CYP4Z1: variants seen among roughly 807,000 people sequenced by gnomAD.
CYP4Z1 encodes cytochrome P450 family 4 subfamily Z member 1, also known as cytochrome P450 4Z1.
Under a neutral mutation model 54.2 loss-of-function variants are expected in CYP4Z1, and 41 were observed. The observed-to-expected ratio is 0.76, with a 90% confidence interval of 0.59 to 0.98. The LOEUF (loss-of-function observed/expected upper bound fraction) is 0.98, where lower values mean the gene tolerates loss of function less well. CYP4Z1 is among the 50% of genes least tolerant of loss of function. The pLI, the probability that CYP4Z1 is intolerant of heterozygous loss-of-function variation, is 0.00. For synonymous variants in CYP4Z1, 163 were observed against 206.2 expected, an observed-to-expected ratio of 0.79 and a Z score of 1.79; for missense variants, 513 against 599.0, an observed-to-expected ratio of 0.86 and a Z score of 1.50.
At chr1:47,076,787 GT>G (rs1268574633) in intron 2 of CYP4Z1, among the ~76,000 whole-genome samples, 1 of 140,524 alleles carries the variant, frequency 7.1e-6, no homozygotes, top group Non-Finnish European at 1.5e-5. Flanking sequence ...GGACCTTGCA[GT>G]GAGCCGAGAT....
At position 47,117,949 on chromosome 1, in the gene CYP4Z1, G is replaced by A. The variant is rs563965766; in HGVS notation, c.*15G>A. ...AAGTTTGCTAATTTTAAGTCCTTTC[G>A]TATAAGAATTAATGAGACAATTTTC... On this transcript the variant is annotated 3_prime_UTR_variant, in exon 12 of 12. Transcript: ENST00000334194. 1.4e-4 allele frequency: 218 copies of A among 1,610,820 alleles called. No homozygotes were observed. The highest frequency in any genetic ancestry group is 1.6e-4 in the Non-Finnish European group (191 of 1,178,270).
At chr1:47,058,985 T>C in the CYP4Z1 span, among the ~76,000 whole-genome samples, 1 of 152,166 alleles carries the variant, frequency 6.6e-6, no homozygotes, top group Admixed American at 6.6e-5. Flanking sequence ...ATCTTAATAG[T>C]ATGTATTTGC....
intron 3 of CYP4Z1, 34 bp from the exon 4 acceptor site, chr1:47,082,300 C>G (rs1502924): frequency 0.08 from 122,678 of 1,541,560 alleles, 6,230 homozygotes; most frequent in East Asian, 0.22. Context: ...TACCTGGCCT[C>G]TGATAGAAAC....
intron 2 of CYP4Z1, among the ~76,000 whole-genome samples, chr1:47,079,901 G>T (rs1163124179): frequency 6.8e-6 from 1 of 146,602 alleles, no homozygotes; most frequent in African/African-American, 2.5e-5. Flanking sequence ...ATACACTAGG[G>T]ACTGAGAGAG....
At chr1:47,079,870 A>AGG (rs1491171715) in intron 2 of CYP4Z1, among the ~76,000 whole-genome samples, 1 of 61,588 alleles carries the variant, frequency 1.6e-5, no homozygotes, top group Non-Finnish European at 3.0e-5. Context: ...GGACAGAGGG[A>AGG]GAGAGAGAGA....
intron 2 of CYP4Z1, among the ~76,000 whole-genome samples, chr1:47,079,259 A>G (rs1644546718): frequency 6.6e-6 from 1 of 152,172 alleles, no homozygotes; most frequent in South Asian, 2.1e-4. Context: ...GGGCAAGGCT[A>G]AATTGCAATG....
intron 7 of CYP4Z1, among the ~76,000 whole-genome samples, chr1:47,096,283 C>T (rs1325630305): frequency 6.6e-6 from 1 of 152,128 alleles, no homozygotes; most frequent in Non-Finnish European, 1.5e-5. Context: ...CCAGGTGTGG[C>T]AGCACTGCCT....
intron 6 of CYP4Z1, among the ~76,000 whole-genome samples, chr1:47,089,028 C>G (rs970003234): frequency 2.0e-5 from 3 of 149,672 alleles, no homozygotes; most frequent in Non-Finnish European, 2.9e-5. Flanking sequence ...AATGTAATCA[C>G]TAGAATATTT....
chr1:47,066,871 A>G (rs1489025395), upstream of CYP4Z1, among the ~76,000 whole-genome samples: 1 of 151,984 alleles, frequency 6.6e-6, no homozygotes, highest in Non-Finnish European at 1.5e-5. Flanking sequence ...TCAAGAACTC[A>G]ACCCCTTTCA....
At chr1:47,110,352 G>C (rs1557634757) in intron 9 of CYP4Z1, among the ~76,000 whole-genome samples, 4 of 149,064 alleles carry the variant, frequency 2.7e-5, no homozygotes, top group Admixed American at 2.0e-4. Context: ...CTGTAAGCTA[G>C]AGCAAGCAGA....
At chr1:47,079,289 T>C (rs1055897067) in intron 2 of CYP4Z1, among the ~76,000 whole-genome samples, 6 of 152,296 alleles carry the variant, frequency 3.9e-5, no homozygotes, top group African/African-American at 9.6e-5. Context: ...TTTTCTATCC[T>C]TTTTCAGTGG....
At chr1:47,113,815 A>C (rs1644810115) in intron 9 of CYP4Z1, among the ~76,000 whole-genome samples, 1 of 152,302 alleles carries the variant, frequency 6.6e-6, no homozygotes, top group Non-Finnish European at 1.5e-5. Context: ...CAAATGGAAG[A>C]ACATTCCATG....
At chr1:47,092,358 T>C (rs1391385294) in intron 6 of CYP4Z1, among the ~76,000 whole-genome samples, 1 of 151,904 alleles carries the variant, frequency 6.6e-6, no homozygotes, top group African/African-American at 2.4e-5. Flanking sequence ...ATTCAGGAGG[T>C]TCTCTAAGGT....
At position 47,117,775 on chromosome 1, in the gene CYP4Z1, T is replaced by C. The variant is rs767280490; in HGVS notation, c.1359T>C (p.Ile453=). ...IPFSAGLRNC[I]GQHFAIIECK... is the part of the protein sequence containing the mutation. Reference sequence around the variant, plus strand: ...TTCTTGGTATCCCCAGGAACTGCATTGGGCAGCATTTTGCCATAATTGAGT... The same window carrying C: ...TTCTTGGTATCCCCAGGAACTGCATCGGGCAGCATTTTGCCATAATTGAGT... The change falls in exon 12 of 12, where the codon ATT becomes ATC. Residue 453 remains isoleucine, a synonymous_variant. Coordinates refer to ENST00000334194, the MANE Select transcript of CYP4Z1 (RefSeq NM_178134.3). The C allele has an allele frequency of 6.2e-7, 1 of 1,612,518 alleles. No homozygotes were observed. The highest frequency in any genetic ancestry group is 8.5e-7 in the Non-Finnish European group (1 of 1,179,296).
At chr1:47,110,019 G>A (rs6704068) in intron 9 of CYP4Z1, among the ~76,000 whole-genome samples, 64,268 of 150,660 alleles carry the variant, frequency 0.43, 14,979 homozygotes, top group East Asian at 0.96. Flanking sequence ...GTTTAAATAT[G>A]TAATTTTGTT....
At position 47,084,896 on chromosome 1, in the gene CYP4Z1, A is replaced by G. The variant is rs1644580609; in HGVS notation, c.690A>G (p.Leu230=). ...CCAACCAGCGCATGAACAATTTTCTACATCACAACGACCTGGTTTTCAAAT... is the reference window on the plus strand; with the variant it reads ...CCAACCAGCGCATGAACAATTTTCTGCATCACAACGACCTGGTTTTCAAAT... The part of the protein sequence containing the change: ...KISNQRMNNF[L]HHNDLVFKFS... Residue 230 remains leucine, a synonymous_variant, in exon 6 of 12, where the codon CTA becomes CTG. Transcript: ENST00000334194. 1 of 1,542,754 alleles carries G rather than the reference A, an allele frequency of 6.5e-7. No homozygotes were observed. Among genetic ancestry groups the G allele is most frequent in the African/African-American group, 1.4e-5 (1 of 71,168 alleles).
chr1:47,063,082 A>G (rs779337735), upstream of CYP4Z1, among the ~76,000 whole-genome samples: 3 of 152,190 alleles, frequency 2.0e-5, no homozygotes, highest in Non-Finnish European at 4.4e-5. Flanking sequence ...GACACTCCCC[A>G]GTAGCAGCCT....
intron 11 of CYP4Z1, among the ~76,000 whole-genome samples, chr1:47,117,520 G>A (rs550160654): frequency 9.2e-5 from 14 of 152,184 alleles, no homozygotes; most frequent in Non-Finnish European, 1.9e-4. Flanking sequence ...GGAGGCCAAG[G>A]TAGGCGGATT....
intron 8 of CYP4Z1, among the ~76,000 whole-genome samples, chr1:47,105,145 T>C (rs1644747951): frequency 6.6e-6 from 1 of 151,550 alleles, no homozygotes; most frequent in African/African-American, 2.4e-5. Flanking sequence ...CCCACCCCTC[T>C]GCTGGGGGTG....
Sources: gnomAD v4.1 joint callset for allele counts (sites outside exome capture counted in the v4.1 genomes callset) on GRCh38, gnomAD v4.1.1 for gene constraint, MANE v1.5 for transcripts, NCBI Gene and HGNC (gene_info 2026-07-23, HGNC 2026-07-21) for gene names.